AGAP2: variants seen among roughly 807,000 people sequenced by gnomAD.
AGAP2 encodes the protein arf-GAP with GTPase, ANK repeat and PH domain-containing protein 2.
A neutral mutation model predicts 110.9 loss-of-function variants in AGAP2; 32 were observed. That is an observed-to-expected ratio of 0.29 (90% CI 0.22 to 0.39). The LOEUF (loss-of-function observed/expected upper bound fraction) is 0.39. AGAP2 is among the 10% of genes least tolerant of loss of function. The pLI, the probability that AGAP2 is intolerant of heterozygous loss-of-function variation, is 1.00. For missense variants in AGAP2, 1,285 were observed against 1,638.5 expected, an observed-to-expected ratio of 0.78 and a Z score of 3.72; for synonymous variants, 702 against 713.0, an observed-to-expected ratio of 0.98 and a Z score of 0.25.
At chr12:57,739,846 T>C (rs138006396), upstream of AGAP2, 1 of 152,006 alleles carries the variant, frequency 6.6e-6, no homozygotes, top group Non-Finnish European at 1.5e-5. Flanking sequence ...TCTCCTGAGG[T>C]TTGCTGAGTG....
chr12:57,741,979 C>G, upstream of AGAP2: 1 of 1,614,192 alleles, frequency 6.2e-7, no homozygotes, highest in Non-Finnish European at 8.5e-7. Context: ...TCTCTGCCAG[C>G]TTCCTGAGGC....
At chr12:57,732,162 T>G (rs1280143895) in intron 7 of AGAP2, among the ~76,000 whole-genome samples, 195 bp from the exon 8 acceptor site, 2 of 152,254 alleles carry the variant, frequency 1.3e-5, no homozygotes, top group African/African-American at 2.4e-5. Context: ...TTCACAAGTA[T>G]TGTGTCATAC....
rs959219463 is a variant in AGAP2 at position 57,735,288 on chromosome 12, G to A, written c.1227+81C>T. On this transcript the variant is annotated intron_variant, in intron 2 of 18. Coordinates refer to ENST00000547588, the MANE Select transcript of AGAP2 (RefSeq NM_001122772.3). ...TTCCCAAAGAGAGAGAGAGAGAGAA[G>A]GAGAGGTGAAGGGAGAGAGCTGAGA... 8.6e-6 allele frequency: 11 copies of A among 1,271,762 alleles called. No individual in the cohort carries two copies. The East Asian group carries it at 1.9e-4, about 22-fold the overall frequency. The allele number at this position is 1,271,762 out of a possible 1,614,324, so 78.8% of individuals were successfully genotyped here.
chr12:57,727,843 CCT>C, intron 15 of AGAP2, 72 bp from the exon 16 acceptor site: 1 of 1,585,112 alleles, frequency 6.3e-7, no homozygotes, highest in South Asian at 1.2e-5. Flanking sequence ...CCTCTGCTCT[CCT>C]CTCACACGAC....
rs934462548 is a variant in AGAP2, at chr12:57,737,606, T to G, written c.641A>C (p.Glu214Ala). 1.3e-6 allele frequency: 2 copies of G among 1,547,804 alleles called. No homozygotes were observed. Among genetic ancestry groups the G allele is most frequent in the Admixed American group, 3.9e-5 (2 of 51,004 alleles). ...CTTGACCCTGGGCTTGCCCTCGCTTTCGGGCCATGACAGGCGGCTACCCGC... is the reference window on the plus strand; with the variant it reads ...CTTGACCCTGGGCTTGCCCTCGCTTGCGGGCCATGACAGGCGGCTACCCGC... The part of the protein sequence containing the change: ...KGAGSRLSWP[E>A]SEGKPRVKGS... The change falls in exon 1 of 19, where the codon GAA becomes GCA. Residue 214 changes from glutamate (E) to alanine (A), a missense_variant. Glu to Ala is a moderately radical substitution (Grantham distance 107). Coordinates refer to ENST00000547588, the MANE Select transcript of AGAP2 (RefSeq NM_001122772.3). This position sits in a 1 kb window ranked among gnomAD's most constrained non-coding sequence, Gnocchi z 5.9.
rs1352310124 is a variant in AGAP2, at chr12:57,729,623, C to T, written c.2557+16G>A. Reference sequence around the variant, plus strand: ...AGGGTTCTGGGTGGGAGTGGAAGTGCCTGCCAGAGCCTCACCTTCAGCCTG... The same window carrying T: ...AGGGTTCTGGGTGGGAGTGGAAGTGTCTGCCAGAGCCTCACCTTCAGCCTG... On this transcript the variant is annotated intron_variant, in intron 13 of 18. Coordinates refer to ENST00000547588, the MANE Select transcript of AGAP2 (RefSeq NM_001122772.3). 2 of 1,605,890 alleles carry T rather than the reference C, an allele frequency of 1.2e-6. No individual in the cohort carries two copies. Among genetic ancestry groups the T allele is most frequent in the Non-Finnish European group, 1.7e-6 (2 of 1,176,644 alleles).
chr12:57,735,309 T>G, intron 2 of AGAP2, 60 bp downstream of exon 2: 31 of 1,460,468 alleles, frequency 2.1e-5, no homozygotes, highest in Non-Finnish European at 2.8e-5. Flanking sequence ...GGGAGAGAGC[T>G]GAGAGTGCAG....
intron 13 of AGAP2, 137 bp downstream of exon 13, chr12:57,729,502 C>G (rs1954843258): frequency 2.4e-6 from 3 of 1,271,764 alleles, no homozygotes; most frequent in Non-Finnish European, 3.2e-6. Flanking sequence ...CACTCTTTCA[C>G]TAAGTTGTGT....
rs1428983068 is a variant in AGAP2 at position 57,725,485 on chromosome 12, C to T, written c.*1067G>A. On this transcript the variant is annotated 3_prime_UTR_variant, in exon 19 of 19. Transcript: ENST00000547588. ...CAGGGGGCCTGGAAACCCTCCCAGC[C>T]ACCTCGAATCCTCTCAGCCCTGGCT... is the stretch of plus-strand genomic sequence containing the variant. 1 of 152,214 alleles carries T rather than the reference C, an allele frequency of 6.6e-6. No homozygotes were observed. Among genetic ancestry groups the T allele is most frequent in the African/African-American group, 2.4e-5 (1 of 41,422 alleles). The allele number at this position is 152,214 out of a possible 1,614,324, so 9.4% of individuals were successfully genotyped here.
upstream of AGAP2, among the ~76,000 whole-genome samples, chr12:57,739,210 G>T (rs1955046885): frequency 6.6e-6 from 1 of 151,584 alleles, no homozygotes; most frequent in Admixed American, 6.6e-5. Context: ...CGATCTATTG[G>T]GTGGACAGGG....
rs773718728 is a variant in AGAP2, at chr12:57,734,075, A to C, written c.1500T>G (p.Leu500=). ...VSRLHGQLSS[L]RGEGRGGLAL... is the part of the protein sequence containing the mutation. ...CCAGGCCTCCTCGTCCCTCCCCGCG[A>C]AGGGAACTCAGCTGCCCATGGAGAC... Residue 500 remains leucine, a synonymous_variant, in exon 5 of 19, where the codon CTT becomes CTG. Coordinates refer to ENST00000547588, the MANE Select transcript of AGAP2 (RefSeq NM_001122772.3). 6.8e-6 allele frequency: 11 copies of C among 1,613,000 alleles called. No homozygotes were observed. The East Asian group carries it at 2.0e-4, about 29-fold the overall frequency.
Position 57,727,056 on chromosome 12 carries a change from C to T in AGAP2, c.3254G>A (p.Ser1085Asn). Residue 1085 changes from serine (S) to asparagine (N), a missense_variant, in exon 18 of 19, where the codon AGC (serine) becomes AAC (asparagine). This residue lies in a region of AGAP2 where 201 missense variants were observed against 276.1 expected (regional missense o/e 0.73). Coordinates refer to ENST00000547588, the MANE Select transcript of AGAP2 (RefSeq NM_001122772.3). ...GGAGCGCAGCTGTGGGTCCTCTACG[C>T]TGGTGTCGAGCGGCCCGTGTCGCGC... ...AHARHGPLDT[S>N]VEDPQLRSPL... is the part of the protein sequence containing the mutation. 6.2e-7 allele frequency: 1 copy of T among 1,604,242 alleles called. No homozygotes were observed. Among genetic ancestry groups the T allele is most frequent in the South Asian group, 1.1e-5 (1 of 89,942 alleles).
At chr12:57,735,947 C>T (rs1289882718) in intron 1 of AGAP2, among the ~76,000 whole-genome samples, 1 of 152,180 alleles carries the variant, frequency 6.6e-6, no homozygotes, top group East Asian at 1.9e-4. Flanking sequence ...TGGACCCCTC[C>T]CCACAGCCCA....
intron 5 of AGAP2, 107 bp downstream of exon 5, chr12:57,733,919 A>C (rs1954930329): frequency 7.5e-7 from 1 of 1,325,108 alleles, no homozygotes; most frequent in African/African-American, 1.5e-5. Context: ...ACTATAATCC[A>C]AGTGGCCATT....
Position 57,731,394 on chromosome 12 carries a change from C to A in AGAP2, c.2117G>T (p.Gly706Val). 6.2e-7 allele frequency: 1 copy of A among 1,614,128 alleles called. No homozygotes were observed. Among genetic ancestry groups the A allele is most frequent in the Non-Finnish European group, 8.5e-7 (1 of 1,180,000 alleles). ...AATACTGGGGTGGTAGAGTAGAAAG[C>A]CATTACTGGACAGGGTTACATATTT... The part of the protein sequence containing the change: ...KKKYVTLSSN[G>V]FLLYHPSIND... Residue 706 changes from glycine (G) to valine (V), a missense_variant, in exon 10 of 19, where the codon GGC (glycine) becomes GTC (valine). Physicochemically the swap from Gly to Val is moderately radical, Grantham distance 109. Transcript: ENST00000547588.
At chr12:57,732,350 C>T (rs1351929288) in intron 7 of AGAP2, 53 bp downstream of exon 7, 3 of 1,502,422 alleles carry the variant, frequency 2.0e-6, no homozygotes, top group Middle Eastern at 1.7e-4. Context: ...CTAGGATCCC[C>T]AGCCCCTCTG....
At chr12:57,740,219 T>TG (rs1277381406), upstream of AGAP2, among the ~76,000 whole-genome samples, 1 of 143,954 alleles carries the variant, frequency 6.9e-6, no homozygotes, top group Admixed American at 6.9e-5. Flanking sequence ...GGGCTGAGGG[T>TG]GGGGGGGCTG....
chr12:57,738,347 C>A lies in AGAP2; in HGVS notation c.-101G>T. On this transcript the variant is annotated 5_prime_UTR_variant, in exon 1 of 19. Transcript: ENST00000547588. This position sits in a 1 kb window ranked among gnomAD's most constrained non-coding sequence, Gnocchi z 6.7. ...CGCCCTGCTCGCTGCCCCCAGCCCCCGGACCCCGCTGAGCCCCCGGCCCGG... is the reference window on the plus strand; with the variant it reads ...CGCCCTGCTCGCTGCCCCCAGCCCCAGGACCCCGCTGAGCCCCCGGCCCGG... 6 of 1,285,742 alleles carry A rather than the reference C, an allele frequency of 4.7e-6. No individual in the cohort carries two copies. Among genetic ancestry groups the A allele is most frequent in the South Asian group, 2.1e-5 (1 of 47,764 alleles). 79.6% of individuals were successfully genotyped at this position (1,285,742 alleles called of 1,614,324 possible).
chr12:57,738,814 G>A (rs1315703292), upstream of AGAP2, among the ~76,000 whole-genome samples: 2 of 151,776 alleles, frequency 1.3e-5, no homozygotes, highest in South Asian at 2.1e-4. This position sits in a 1 kb window ranked among gnomAD's most constrained non-coding sequence, Gnocchi z 6.7. Flanking sequence ...GAGGCGGCGG[G>A]GGAGGAAAGA....
Sources: allele counts gnomAD v4.1 joint callset (sites outside exome capture counted in the v4.1 genomes callset), GRCh38; gene constraint gnomAD v4.1.1; regional missense constraint gnomAD v4.1.1; non-coding constraint Gnocchi (gnomAD v3.1); transcripts MANE v1.5; gene names NCBI Gene and HGNC (gene_info 2026-07-23, HGNC 2026-07-21).